Variants in C3 observed in about 807,000 individuals in gnomAD.
C3 encodes the protein complement C3, also known as C3 and PZP-like alpha-2-macroglobulin domain-containing protein 1.
A neutral mutation model predicts 207.9 loss-of-function variants in C3; 97 were observed. The observed-to-expected ratio is 0.47, with a 90% CI of 0.40 to 0.55. C3 has a LOEUF of 0.55. C3 is among the 20% of genes least tolerant of loss of function. The pLI, the probability that C3 is intolerant of heterozygous loss-of-function variation, is 0.00. For missense variants in C3, 1,684 were observed against 2,171.7 expected (o/e 0.78, Z 4.46); for synonymous variants, 848 against 857.6 (o/e 0.99, Z 0.20).
intron 8 of C3, 33 bp downstream of exon 8, chr19:6,713,374 G>A: frequency 6.2e-7 from 1 of 1,613,838 alleles, no homozygotes; most frequent in South Asian, 1.1e-5. Flanking sequence ...CGGGGACTGG[G>A]GCAGGGATCA....
chr19:6,686,647 CTGTCCCAGCTCAGCTAAAAGCCATG>C, intron 28 of C3, 74 bp downstream of exon 28: 1 of 1,288,990 alleles, frequency 7.8e-7, no homozygotes, highest in Non-Finnish European at 1.1e-6. Flanking sequence ...TTAGGGTCAT[CTGTCCCAGCTCAGCTAAAAGCCATG>C]CATCCCAGCT....
chr19:6,714,242 G>A lies in C3; in HGVS notation c.606C>T (p.Gly202=), dbSNP rs372019305. The stretch of plus-strand genomic sequence containing the variant: ...CATAGTAGGCTCGGATCTTCCACTG[G>A]CCCATGCTGTGAGGAGGGCGGATGA... ...SWDIPELVNM[G]QWKIRAYYEN... Residue 202 remains glycine (G), a synonymous_variant, in exon 6 of 41, where the codon GGC becomes GGT. Transcript: ENST00000245907. 32 of 1,613,706 alleles carry A rather than the reference G, an allele frequency of 2.0e-5. No individual in the cohort carries two copies. The highest frequency in any genetic ancestry group is 1.6e-4 in the Middle Eastern group (1 of 6,082).
chr19:6,711,951 A>G (rs1444771600), intron 11 of C3, among the ~76,000 whole-genome samples: 1 of 152,236 alleles, frequency 6.6e-6, no homozygotes, highest in Non-Finnish European at 1.5e-5. Context: ...TGCAAGAGGA[A>G]GATTCCTGTT....
rs772485231 is a variant in C3 at position 6,718,359 on chromosome 19, G to A, written c.321C>T (p.Thr107=). The part of the protein sequence containing the change: ...KSEKGRNKFV[T]VQATFGTQVV... ...CTTGGGTCCCGAAGGTGGCCTGCAC[G>A]GTCACGAACTTGTTGCGCCCCTTTT... The change falls in exon 3 of 41, where the codon ACC becomes ACT. Residue 107 remains threonine (T), a synonymous_variant. Coordinates refer to ENST00000245907, the MANE Select transcript of C3 (RefSeq NM_000064.4). The A allele has an allele frequency of 1.9e-6, 3 of 1,614,100 alleles. No individual in the cohort carries two copies. Among genetic ancestry groups the A allele is most frequent in the Admixed American group, 3.3e-5 (2 of 60,002 alleles).
intron 11 of C3, among the ~76,000 whole-genome samples, chr19:6,711,999 C>A (rs148023019): frequency 6.6e-6 from 1 of 152,040 alleles, no homozygotes; most frequent in African/African-American, 2.4e-5. Context: ...GACGGCAGGA[C>A]CCCACTGTGC....
In C3 at chr19:6,707,194, G is replaced by A. The variant is rs1271614248; in HGVS notation, c.2127C>T (p.Arg709=). 1.2e-6 allele frequency: 2 copies of A among 1,613,796 alleles called. No individual in the cohort carries two copies. Among genetic ancestry groups the A allele is most frequent in the Admixed American group, 3.3e-5 (2 of 60,014 alleles). ...RENPMRFSCQ[R]RTRFISLGEA... is the part of the protein sequence containing the mutation. ...CGCCCAGGGAGATGAAACGGGTCCGGCGCTGGCACGAGAACCTCATGGGGT... is the reference window on the plus strand; with the variant it reads ...CGCCCAGGGAGATGAAACGGGTCCGACGCTGGCACGAGAACCTCATGGGGT... Residue 709 remains arginine, a synonymous_variant, in exon 17 of 41, where the codon CGC becomes CGT. Transcript: ENST00000245907.
At chr19:6,720,385 T>C (rs1968136397) in intron 1 of C3, 131 bp downstream of exon 1, 3 of 711,056 alleles carry the variant, frequency 4.2e-6, no homozygotes. Flanking sequence ...TATATAATCA[T>C]TCCCAACCTG....
At position 6,714,151 on chromosome 19, in the gene C3, CCCT is replaced by C. The variant is rs1568227060; in HGVS notation, c.682+12_682+14del. 1.2e-6 allele frequency: 2 copies of C among 1,613,162 alleles called. No homozygotes were observed. Among genetic ancestry groups the C allele is most frequent in the Admixed American group, 3.3e-5 (2 of 59,988 alleles). ...GTTCTGGGCACTGACTCCCCCCAGC[CCCT>C]CCTCCTCTTACCGTACTCCTTCACC... On this transcript the variant is annotated intron_variant, in intron 6 of 40. Transcript: ENST00000245907.
intron 14 of C3, among the ~76,000 whole-genome samples, chr19:6,708,298 A>C (rs1261977725): frequency 8.6e-5 from 13 of 151,852 alleles, no homozygotes; most frequent in Non-Finnish European, 2.9e-5. Context: ...CACCATGCCC[A>C]GCTAATTTTT....
chr19:6,714,306 C>G, intron 5 of C3, 46 bp downstream of exon 5: 2 of 1,606,688 alleles, frequency 1.2e-6, no homozygotes, highest in Non-Finnish European at 1.7e-6. Context: ...GCTCCCTCTC[C>G]GGGGATAGGG....
Position 6,713,319 on chromosome 19 carries a change from A to G in C3, c.877-4T>C. ...CCTCCCCCGAGCCATCCTCAATCTGAGAAGGGAGAGGAGGGCTCAGAGAGG... is the reference window on the plus strand; with the variant it reads ...CCTCCCCCGAGCCATCCTCAATCTGGGAAGGGAGAGGAGGGCTCAGAGAGG... On this transcript the variant is annotated splice_polypyrimidine_tract_variant and splice_region_variant and intron_variant, in intron 8 of 40. Transcript: ENST00000245907. 1 of 1,613,748 alleles carries G rather than the reference A, an allele frequency of 6.2e-7. No homozygotes were observed. Among genetic ancestry groups the G allele is most frequent in the South Asian group, 1.1e-5 (1 of 91,066 alleles).
rs373081527 is a variant in C3 at position 6,711,081 on chromosome 19, C to T, written c.1385G>A (p.Arg462His). The change falls in exon 12 of 41, where the codon CGT (arginine) becomes CAT (histidine). Residue 462 changes from arginine (R) to histidine (H), a missense_variant. Coordinates refer to ENST00000245907, the MANE Select transcript of C3 (RefSeq NM_000064.4). ...SNNYLHLSVLRTELRPGETLN... is the reference protein window; with the variant it reads ...SNNYLHLSVLHTELRPGETLN... Reference sequence around the variant, plus strand: ...GGTCTCCCCGGGTCTGAGCTCTGTACGTAGCACTGAGAGATGCAGGTAATT... The same window carrying T: ...GGTCTCCCCGGGTCTGAGCTCTGTATGTAGCACTGAGAGATGCAGGTAATT... 29 of 1,614,014 alleles carry T rather than the reference C, an allele frequency of 1.8e-5. No homozygotes were observed. The highest frequency in any genetic ancestry group is 1.3e-4 in the South Asian group (12 of 91,086).
intron 19 of C3, among the ~76,000 whole-genome samples, chr19:6,701,598 G>T (rs11569466): frequency 0.11 from 16,982 of 152,080 alleles, 1,176 homozygotes; most frequent in Non-Finnish European, 0.14. Context: ...TCAGCTCACC[G>T]CAACCTCCAC....
chr19:6,718,385 C>T lies in C3; in HGVS notation c.295G>A (p.Glu99Lys). The T allele has an allele frequency of 1.9e-6, 3 of 1,614,232 alleles. No individual in the cohort carries two copies. The highest frequency in any genetic ancestry group is 1.7e-6 in the Non-Finnish European group (2 of 1,180,044). The change falls in exon 3 of 41, where the codon GAA becomes AAA. Residue 99 changes from glutamate to lysine, a missense_variant. Around this residue, in one of 3 missense-constraint regions of C3, gnomAD observed 1,280 missense variants for 1,739.1 expected, o/e 0.74. Transcript: ENST00000245907. ...GTCACGAACTTGTTGCGCCCCTTTT[C>T]TGACTTGAACTCCCTGTTGGCTGGG... Reference protein sequence around the residue: ...TIPANREFKSEKGRNKFVTVQ... With the variant: ...TIPANREFKSKKGRNKFVTVQ...
chr19:6,684,932 T>A, intron 30 of C3, 56 bp downstream of exon 30: 2 of 1,611,786 alleles, frequency 1.2e-6, no homozygotes, highest in East Asian at 2.2e-5. Flanking sequence ...CAGTAAACCC[T>A]GGCTAGTGTA....
Position 6,710,973 on chromosome 19 carries a change from A to G in C3, c.1479+14T>C, listed in dbSNP as rs1352157003. ...GGAGGAGGCGGGGGCTGAGGTTTCC[A>G]GGTGGCCACGGACCAGGTAGGTGTA... On this transcript the variant is annotated intron_variant, in intron 12 of 40. Transcript: ENST00000245907. 2 of 1,613,192 alleles carry G rather than the reference A, an allele frequency of 1.2e-6. No individual in the cohort carries two copies. The highest frequency in any genetic ancestry group is 1.7e-6 in the Non-Finnish European group (2 of 1,179,190).
At chr19:6,686,973 A>C in intron 27 of C3, 71 bp from the exon 28 acceptor site, 1 of 1,483,996 alleles carries the variant, frequency 6.7e-7, no homozygotes, top group Non-Finnish European at 9.4e-7. Context: ...TCATTCGAGC[A>C]GCACTTCCTG....
chr19:6,678,334 C>T (rs1917774441), intron 39 of C3, 38 bp downstream of exon 39: 2 of 1,613,952 alleles, frequency 1.2e-6, no homozygotes, highest in African/African-American at 1.3e-5. Context: ...GGGAGGAAGC[C>T]AGGGAAGAGC....
chr19:6,713,771 T>G, intron 7 of C3: 1 of 187,452 alleles, frequency 5.3e-6, no homozygotes, highest in South Asian at 3.1e-5. Context: ...CCCACCTGAC[T>G]CCACCCCCCA....
Sources: allele counts gnomAD v4.1 joint callset (sites outside exome capture counted in the v4.1 genomes callset), GRCh38; gene constraint gnomAD v4.1.1; regional missense constraint gnomAD v4.1.1; transcripts MANE v1.5; gene names NCBI Gene and HGNC (gene_info 2026-07-23, HGNC 2026-07-21).